PHLDB3: variants seen among roughly 807,000 people sequenced by gnomAD.
The protein encoded by PHLDB3 is pleckstrin homology like domain family B member 3.
In PHLDB3, 86 loss-of-function variants were observed where a neutral mutation model predicts 85.7. The observed-to-expected ratio is 1.00, with a 90% CI of 0.84 to 1.20. PHLDB3 has a LOEUF of 1.20. Ranked by LOEUF, PHLDB3 falls within the 50% of genes most tolerant of loss-of-function variation. The pLI, the probability that PHLDB3 is intolerant of heterozygous loss-of-function variation, is 0.00. For missense variants in PHLDB3, 995 were observed against 873.0 expected, an observed-to-expected ratio of 1.14 and a Z score of -1.76; for synonymous variants, 376 against 349.8, an observed-to-expected ratio of 1.07 and a Z score of -0.83.
At position 43,497,198 on chromosome 19, in the gene PHLDB3, C is replaced by T; in HGVS notation, c.745G>A (p.Glu249Lys). Residue 249 changes from glutamate (E) to lysine (K), a missense_variant, in exon 6 of 16, where the codon GAG (glutamate) becomes AAG (lysine). Glu to Lys is a moderately conservative substitution (Grantham distance 56). Coordinates refer to ENST00000292140, the MANE Select transcript of PHLDB3 (RefSeq NM_198850.4). ...QQLERESRQEEEDRDSPGPQV... is the reference protein window; with the variant it reads ...QQLERESRQEKEDRDSPGPQV... Reference sequence around the variant, plus strand: ...GGCCCAGGGCTGTCCCGATCCTCCTCCTCCTGCCGGCTCTCCCGCTCCAGT... The same window carrying T: ...GGCCCAGGGCTGTCCCGATCCTCCTTCTCCTGCCGGCTCTCCCGCTCCAGT... The T allele has an allele frequency of 6.4e-7, 1 of 1,562,600 alleles. No individual in the cohort carries two copies. Among genetic ancestry groups the T allele is most frequent in the East Asian group, 2.4e-5 (1 of 41,708 alleles).
In PHLDB3 at chr19:43,497,802, C is replaced by T; in HGVS notation, c.609G>A (p.Gln203=). The T allele has an allele frequency of 1.9e-6, 3 of 1,559,558 alleles. No homozygotes were observed. In the South Asian group the frequency reaches 3.5e-5, roughly 18 times the overall value. ...GTTGGTCCTCTGGCTGTGAGTCGAGCTGTCCCTGGGCCTTGCGGAGTCTCT... is the reference window on the plus strand; with the variant it reads ...GTTGGTCCTCTGGCTGTGAGTCGAGTTGTCCCTGGGCCTTGCGGAGTCTCT... ...LRQRLRKAQG[Q]LDSQPEDQRE... Residue 203 remains glutamine (Q), a synonymous_variant, in exon 5 of 16, where the codon CAG becomes CAA. Transcript: ENST00000292140.
chr19:43,492,624 C>CCA (rs1971346799), intron 9 of PHLDB3, among the ~76,000 whole-genome samples: 1 of 127,262 alleles, frequency 7.9e-6, no homozygotes, highest in Non-Finnish European at 1.6e-5. Flanking sequence ...GACCCTATCT[C>CCA]AAAAAAAAAA....
chr19:43,501,455 G>A (rs1319905275), intron 4 of PHLDB3: 1 of 515,940 alleles, frequency 1.9e-6, no homozygotes, highest in Admixed American at 3.8e-5. Context: ...AAAGTGCTAT[G>A]ATTACAGGCG....
chr19:43,484,678 C>T (rs562710170), intron 13 of PHLDB3, among the ~76,000 whole-genome samples: 2 of 152,302 alleles, frequency 1.3e-5, no homozygotes, highest in Admixed American at 6.5e-5. Context: ...CATCACTGCA[C>T]TCTAGCCTGG....
intron 9 of PHLDB3, among the ~76,000 whole-genome samples, chr19:43,493,889 A>AT (rs1047450749): frequency 1.3e-5 from 2 of 151,944 alleles, no homozygotes; most frequent in Admixed American, 6.6e-5. Flanking sequence ...CAGATTTGGG[A>AT]TTTTTTTTCA....
At chr19:43,489,369 GTTTT>G (rs57304377) in intron 9 of PHLDB3, among the ~76,000 whole-genome samples, 6 of 140,358 alleles carry the variant, frequency 4.3e-5, no homozygotes, top group Non-Finnish European at 6.1e-5. Flanking sequence ...ATCTCTTAAA[GTTTT>G]TTTTTTTTTT....
chr19:43,484,581 G>A (rs1191753555), intron 13 of PHLDB3, among the ~76,000 whole-genome samples: 3 of 151,970 alleles, frequency 2.0e-5, no homozygotes, highest in Non-Finnish European at 4.4e-5. Context: ...GTGTGGTGGT[G>A]GGCACCTGTA....
At chr19:43,487,930 A>G (rs34577669) in intron 9 of PHLDB3, among the ~76,000 whole-genome samples, 90,057 of 151,638 alleles carry the variant, frequency 0.59, 26,763 homozygotes, top group South Asian at 0.68. Flanking sequence ...GAGGCGGGTG[A>G]ATAACTTGAG....
In PHLDB3 at chr19:43,501,716, C is replaced by T; in HGVS notation, c.534+18G>A. 6.3e-7 allele frequency: 1 copy of T among 1,575,964 alleles called. No individual in the cohort carries two copies. Among genetic ancestry groups the T allele is most frequent in the Non-Finnish European group, 8.6e-7 (1 of 1,168,108 alleles). On this transcript the variant is annotated intron_variant, in intron 4 of 15. Coordinates refer to ENST00000292140, the MANE Select transcript of PHLDB3 (RefSeq NM_198850.4). ...CAGGAAGGACACTGCTGATGAAGAC[C>T]CGGTGAGCCAAACAGACCTGTTCCC...
chr19:43,502,872 C>T (rs953252743), intron 2 of PHLDB3, among the ~76,000 whole-genome samples: 1 of 152,096 alleles, frequency 6.6e-6, no homozygotes, highest in African/African-American at 2.4e-5. Context: ...GTAAAGCCGA[C>T]TTATGAAAGG....
chr19:43,482,727 G>A (rs530489594), intron 13 of PHLDB3, among the ~76,000 whole-genome samples: 4 of 152,052 alleles, frequency 2.6e-5, no homozygotes, highest in Admixed American at 6.5e-5. Flanking sequence ...CAGTAGAGAC[G>A]GGGTTTCTCC....
chr19:43,504,223 C>A, intron 1 of PHLDB3, 91 bp from the exon 2 acceptor site: 1 of 1,181,482 alleles, frequency 8.5e-7, no homozygotes, highest in Non-Finnish European at 1.2e-6. Flanking sequence ...GAGACCCCCC[C>A]CCAAGGAGGC....
chr19:43,486,559 G>A (rs182359411), intron 12 of PHLDB3, 50 bp downstream of exon 12: 20 of 1,573,318 alleles, frequency 1.3e-5, no homozygotes, highest in East Asian at 9.1e-5. Context: ...TCTGAGGGAG[G>A]AGAGGCTGGG....
At chr19:43,501,341 G>A (rs996269975) in intron 4 of PHLDB3, among the ~76,000 whole-genome samples, 3 of 151,670 alleles carry the variant, frequency 2.0e-5, no homozygotes, top group African/African-American at 7.3e-5. Context: ...CCGCCACCAC[G>A]CCCTGCTAAT....
intron 9 of PHLDB3, among the ~76,000 whole-genome samples, chr19:43,492,368 G>A (rs558058732): frequency 6.6e-6 from 1 of 152,224 alleles, no homozygotes; most frequent in Admixed American, 6.5e-5. Context: ...TTACAGGCAT[G>A]AGCTGACGCA....
rs1422218688 is a variant in PHLDB3, at chr19:43,475,187, C to G, written c.*223G>C. The G allele has an allele frequency of 3.7e-6, 2 of 547,714 alleles. No individual in the cohort carries two copies. The highest frequency in any genetic ancestry group is 6.4e-6 in the Non-Finnish European group (2 of 312,774). 33.9% of individuals were successfully genotyped at this position (547,714 alleles called of 1,614,324 possible). On this transcript the variant is annotated 3_prime_UTR_variant, in exon 16 of 16. Coordinates refer to ENST00000292140, the MANE Select transcript of PHLDB3 (RefSeq NM_198850.4). ...CCCGCCCCTGCAATCTTCCTCCTGCCCCGGGCAGGGCCTTAGGGGCCGGCG... is the reference window on the plus strand; with the variant it reads ...CCCGCCCCTGCAATCTTCCTCCTGCGCCGGGCAGGGCCTTAGGGGCCGGCG...
At chr19:43,484,122 G>A (rs1383123740) in intron 13 of PHLDB3, among the ~76,000 whole-genome samples, 2 of 151,706 alleles carry the variant, frequency 1.3e-5, no homozygotes, top group Non-Finnish European at 2.9e-5. Flanking sequence ...ATGGTGGTGG[G>A]CGCCTGTAAT....
intron 2 of PHLDB3, among the ~76,000 whole-genome samples, chr19:43,503,468 A>C (rs1052021582): frequency 6.6e-6 from 1 of 151,620 alleles, no homozygotes; most frequent in African/African-American, 2.4e-5. Flanking sequence ...GCGCTTGGAC[A>C]ATTTTTGTAT....
intron 14 of PHLDB3, among the ~76,000 whole-genome samples, chr19:43,478,763 AAAT>A (rs1473451116): frequency 6.6e-6 from 1 of 152,008 alleles, no homozygotes; most frequent in Non-Finnish European, 1.5e-5. Context: ...AAAATACAAA[AAAT>A]TAGCCAGGTG....
Sources: gnomAD v4.1 joint callset for allele counts (sites outside exome capture counted in the v4.1 genomes callset) on GRCh38, gnomAD v4.1.1 for gene constraint, MANE v1.5 for transcripts, NCBI Gene and HGNC (gene_info 2026-07-23, HGNC 2026-07-21) for gene names.